SLC35F4: variants seen among roughly 807,000 people sequenced by gnomAD.
SLC35F4 encodes the protein chromosome 14 open reading frame 36.
In SLC35F4, 24 loss-of-function variants were observed where a neutral mutation model predicts 44.2. That is an observed-to-expected ratio of 0.54 (90% CI 0.39 to 0.76). The LOEUF (loss-of-function observed/expected upper bound fraction) is 0.76, where lower values mean the gene tolerates loss of function less well. Among genes scored for constraint, SLC35F4 ranks in the 30% least tolerant of loss-of-function variants. SLC35F4 has a pLI of 0.00. For synonymous variants in SLC35F4, 238 were observed against 223.6 expected (o/e 1.06, Z -0.57); for missense variants, 562 against 586.1 (o/e 0.96, Z 0.42).
chr14:57,884,761 G>T (rs1329956352), intron 1 of SLC35F4, among the ~76,000 whole-genome samples: 1 of 152,082 alleles, frequency 6.6e-6, no homozygotes, highest in African/African-American at 2.4e-5. Flanking sequence ...ATATTAGTAT[G>T]ATGCTATTAT....
intron 1 of SLC35F4, among the ~76,000 whole-genome samples, chr14:57,704,642 G>A (rs1276055186): frequency 1.3e-5 from 2 of 152,102 alleles, no homozygotes; most frequent in East Asian, 1.9e-4. Flanking sequence ...GGAGAAAGAT[G>A]CATGAGAAGG....
chr14:57,786,384 G>T (rs776991395), intron 1 of SLC35F4, among the ~76,000 whole-genome samples: 8 of 152,044 alleles, frequency 5.3e-5, no homozygotes, highest in African/African-American at 9.7e-5. Flanking sequence ...CTACGGCCCC[G>T]CCCACTGCTG....
intron 1 of SLC35F4, among the ~76,000 whole-genome samples, chr14:57,786,519 C>T (rs926547421): frequency 6.6e-6 from 1 of 152,192 alleles, no homozygotes. Context: ...GTCCATTGCA[C>T]TCCCTTGTCA....
chr14:57,820,490 C>T (rs552610952), intron 1 of SLC35F4, among the ~76,000 whole-genome samples: 9 of 152,344 alleles, frequency 5.9e-5, no homozygotes, highest in African/African-American at 2.2e-4. Flanking sequence ...ATGCAAGACA[C>T]ATTTCTCACC....
intron 1 of SLC35F4, among the ~76,000 whole-genome samples, chr14:57,944,494 A>G (rs778332247): frequency 2.6e-5 from 4 of 151,994 alleles, no homozygotes; most frequent in Admixed American, 1.3e-4. Context: ...CCTCTCCTCT[A>G]TATCAGGGCT....
intron 1 of SLC35F4, among the ~76,000 whole-genome samples, chr14:57,979,071 AAGTTAG>A (rs1359625452): frequency 6.6e-6 from 1 of 152,224 alleles, no homozygotes; most frequent in African/African-American, 2.4e-5. Context: ...TGGACAAAAG[AAGTTAG>A]ATAAGGACTC....
At chr14:57,739,072 C>T (rs1594927023) in intron 1 of SLC35F4, among the ~76,000 whole-genome samples, 1 of 152,036 alleles carries the variant, frequency 6.6e-6, no homozygotes, top group South Asian at 2.1e-4. Context: ...GCTCTTTATC[C>T]GAAGACCCCC....
chr14:57,570,773 A>G (rs1190111), intron 5 of SLC35F4, among the ~76,000 whole-genome samples: 33,688 of 152,124 alleles, frequency 0.22, 3,915 homozygotes, highest in East Asian at 0.32. Context: ...GGTCAGGGGA[A>G]ATCCCTCTGT....
intron 1 of SLC35F4, among the ~76,000 whole-genome samples, chr14:57,676,112 C>T (rs1480603947): frequency 6.6e-6 from 1 of 152,004 alleles, no homozygotes; most frequent in Non-Finnish European, 1.5e-5. Flanking sequence ...CTCAAATCAG[C>T]AAGAGAAAAA....
At chr14:57,959,291 T>C (rs1247143253) in intron 1 of SLC35F4, among the ~76,000 whole-genome samples, 1 of 152,220 alleles carries the variant, frequency 6.6e-6, no homozygotes, top group Non-Finnish European at 1.5e-5. Flanking sequence ...ATGGTAGTAA[T>C]GTAAAGTTTC....
Position 57,748,194 on chromosome 14 carries a change from T to G in SLC35F4, c.103+117529A>C, listed in dbSNP as rs2140546493. Among the ~76,000 whole-genome samples, 2 of 152,012 alleles carry G rather than the reference T, an allele frequency of 1.3e-5. 1 individual carries two copies. The highest frequency in any genetic ancestry group is 4.2e-4 in the South Asian group (2 of 4,816). The stretch of plus-strand genomic sequence containing the variant: ...TTTAATACAGAAAAACTGTCTTGAG[T>G]TTTTCACTGGTAGGTTAGAAAAATC... On this transcript the variant is annotated intron_variant, in intron 1 of 7. Coordinates refer to ENST00000556826, the MANE Select transcript of SLC35F4 (RefSeq NM_001306087.2).
At chr14:57,640,132 A>G (rs990094648) in intron 1 of SLC35F4, among the ~76,000 whole-genome samples, 1 of 151,958 alleles carries the variant, frequency 6.6e-6, no homozygotes, top group African/African-American at 2.4e-5. Context: ...AGAGGGTTAA[A>G]GTTTCTCTCC....
intron 1 of SLC35F4, among the ~76,000 whole-genome samples, chr14:57,740,933 G>C (rs1441509749): frequency 6.6e-6 from 1 of 152,292 alleles, no homozygotes; most frequent in East Asian, 1.9e-4. Context: ...CGAAGCTGCT[G>C]TTGTGCAGCC....
rs72624720 is a variant in SLC35F4, at chr14:57,802,421, G to C, written c.103+63302C>G. 0.014 allele frequency among the ~76,000 whole-genome samples: 2,152 copies of C among 151,124 alleles called. 279 individuals carry two copies. The East Asian group carries it at 0.33, about 23-fold the overall frequency. ...ACATCTCAACTATAACTAGAGAACC[G>C]AGAGCAAAACCCACAACTAGCAGAA... On this transcript the variant is annotated intron_variant, in intron 1 of 7. Transcript: ENST00000556826.
At chr14:57,929,107 C>T (rs1889641029) in intron 1 of SLC35F4, among the ~76,000 whole-genome samples, 1 of 152,134 alleles carries the variant, frequency 6.6e-6, no homozygotes, top group Non-Finnish European at 1.5e-5. Flanking sequence ...TGAACCCCTG[C>T]AAGGGTGGTG....
chr14:57,711,176 G>A (rs1232724310), intron 1 of SLC35F4, among the ~76,000 whole-genome samples: 1 of 152,090 alleles, frequency 6.6e-6, no homozygotes, highest in African/African-American at 2.4e-5. Flanking sequence ...GAGTTCTCAT[G>A]AGATGTGATG....
Position 57,955,293 on chromosome 14 carries a change from C to G in SLC35F4, n.282+26620G>C, listed in dbSNP as rs977336905. ...AACTAGGTATTGATAGAACATATCT[C>G]AAAATAATAACAGCTATTTATGACA... On this transcript the variant is annotated intron_variant and non_coding_transcript_variant, in intron 1 of 1. Coordinates refer to the SLC35F4 transcript ENST00000556568. 3.3e-5 allele frequency among the ~76,000 whole-genome samples: 5 copies of G among 152,256 alleles called. No individual in the cohort carries two copies. The South Asian group carries it at 1.0e-3, about 32-fold the overall frequency.
At chr14:57,707,990 G>A (rs1283076957) in intron 1 of SLC35F4, among the ~76,000 whole-genome samples, 1 of 152,118 alleles carries the variant, frequency 6.6e-6, no homozygotes, top group Non-Finnish European at 1.5e-5. Context: ...TATTTCCTAG[G>A]GACCAGTCTG....
intron 1 of SLC35F4, among the ~76,000 whole-genome samples, chr14:57,953,350 A>C (rs182605745): frequency 3.4e-4 from 52 of 152,298 alleles, no homozygotes; most frequent in Middle Eastern, 3.4e-3. Flanking sequence ...AAAGACCATC[A>C]ACCCAATGAA....
Sources: allele counts gnomAD v4.1 joint callset (sites outside exome capture counted in the v4.1 genomes callset), GRCh38; gene constraint gnomAD v4.1.1; transcripts MANE v1.5; gene names NCBI Gene and HGNC (gene_info 2026-07-23, HGNC 2026-07-21).